COL5A2: variants seen among roughly 807,000 people sequenced by gnomAD.
The protein encoded by COL5A2 is collagen type V alpha 2 chain.
Under a neutral mutation model 208.2 loss-of-function variants are expected in COL5A2, and 23 were observed. The observed-to-expected ratio is 0.11, with a 90% confidence interval of 0.08 to 0.16. The LOEUF (loss-of-function observed/expected upper bound fraction) is 0.16. Among genes scored for constraint, COL5A2 ranks in the 10% least tolerant of loss-of-function variants. The pLI, the probability that COL5A2 is intolerant of heterozygous loss-of-function variation, is 1.00. For missense variants in COL5A2, 1,590 were observed against 1,956.4 expected, an observed-to-expected ratio of 0.81 and a Z score of 3.53; for synonymous variants, 625 against 628.5, an observed-to-expected ratio of 0.99 and a Z score of 0.08.
chr2:189,436,597 A>G, the COL5A2 span, among the ~76,000 whole-genome samples: 1 of 152,142 alleles, frequency 6.6e-6, no homozygotes, highest in Non-Finnish European at 1.5e-5. Context: ...CGTGGAATCA[A>G]CCTAAATGCC....
chr2:189,378,617 G>C, the COL5A2 span, among the ~76,000 whole-genome samples: 2 of 151,904 alleles, frequency 1.3e-5, no homozygotes, highest in African/African-American at 2.4e-5. Flanking sequence ...CCAGCTACTC[G>C]GGAGGCTGAG....
chr2:189,086,671 T>C, intron 9 of COL5A2, 55 bp downstream of exon 9: 3 of 1,355,788 alleles, frequency 2.2e-6, no homozygotes, highest in Admixed American at 1.9e-5. Flanking sequence ...TTATGTAATA[T>C]ATGTGTGTGT....
At chr2:189,078,432 T>G in intron 16 of COL5A2, 84 bp downstream of exon 16, 1 of 1,130,772 alleles carries the variant, frequency 8.8e-7, no homozygotes, top group Non-Finnish European at 1.4e-6. Context: ...TTACTTTCAT[T>G]TAAAAGGCAA....
chr2:189,213,631 T>A (rs1457712544), intron 1 of COL5A2, among the ~76,000 whole-genome samples: 4 of 152,258 alleles, frequency 2.6e-5, no homozygotes, highest in Admixed American at 6.5e-5. Flanking sequence ...TTCCTCAAAT[T>A]AACCGAAAGG....
intron 1 of COL5A2, among the ~76,000 whole-genome samples, chr2:189,138,069 G>A (rs1687859216): frequency 6.6e-6 from 1 of 152,070 alleles, no homozygotes; most frequent in Non-Finnish European, 1.5e-5. Context: ...CTGCCTCCCA[G>A]GTTCAAGCAA....
the COL5A2 span, among the ~76,000 whole-genome samples, chr2:189,337,447 G>A: frequency 6.6e-6 from 1 of 151,982 alleles, no homozygotes; most frequent in Non-Finnish European, 1.5e-5. Flanking sequence ...CTCCCAAAGT[G>A]CTGGGATTAC....
the COL5A2 span, among the ~76,000 whole-genome samples, chr2:189,296,354 A>G: frequency 6.6e-6 from 1 of 152,100 alleles, no homozygotes; most frequent in East Asian, 1.9e-4. Context: ...CATCTTTTAA[A>G]TTTATTCTTT....
the COL5A2 span, among the ~76,000 whole-genome samples, chr2:189,415,465 G>T: frequency 2.0e-5 from 3 of 151,974 alleles, no homozygotes; most frequent in Non-Finnish European, 2.9e-5. Context: ...TATTGAATGT[G>T]TATGTAAATT....
intron 1 of COL5A2, among the ~76,000 whole-genome samples, chr2:189,155,837 T>C (rs1559128839): frequency 6.6e-6 from 1 of 152,158 alleles, no homozygotes; most frequent in Non-Finnish European, 1.5e-5. Context: ...CATCAAGATA[T>C]TGACAGGGCT....
intron 1 of COL5A2, among the ~76,000 whole-genome samples, chr2:189,131,329 G>A (rs1687710710): frequency 1.3e-5 from 2 of 152,198 alleles, no homozygotes. Context: ...TCTTTGCCTA[G>A]GTAATTTCCC....
At chr2:189,158,260 T>C (rs1200324839) in intron 1 of COL5A2, among the ~76,000 whole-genome samples, 1 of 151,994 alleles carries the variant, frequency 6.6e-6, no homozygotes, top group African/African-American at 2.4e-5. Flanking sequence ...GATTAAATAT[T>C]AAGCCAAAAC....
chr2:189,128,263 T>C (rs950294957), intron 1 of COL5A2, among the ~76,000 whole-genome samples: 1 of 151,984 alleles, frequency 6.6e-6, no homozygotes, highest in Non-Finnish European at 1.5e-5. Flanking sequence ...GCTAGTTATG[T>C]TTGTAAAAAG....
chr2:189,104,207 G>T, intron 3 of COL5A2, 57 bp downstream of exon 3: 1 of 1,218,184 alleles, frequency 8.2e-7, no homozygotes, highest in Non-Finnish European at 1.2e-6. Flanking sequence ...GTTCTGTGTG[G>T]ATAGTATTGG....
chr2:189,358,228 C>G, the COL5A2 span, among the ~76,000 whole-genome samples: 3 of 151,560 alleles, frequency 2.0e-5, no homozygotes, highest in African/African-American at 7.3e-5. Flanking sequence ...TTGATACCTA[C>G]TGCTCAGAAA....
intron 1 of COL5A2, among the ~76,000 whole-genome samples, chr2:189,154,078 A>AT (rs1688198144): frequency 2.0e-5 from 3 of 152,164 alleles, no homozygotes; most frequent in Admixed American, 2.0e-4. Flanking sequence ...GAAGTAATAC[A>AT]TTTTTTAAAA....
chr2:189,255,021 G>T, the COL5A2 span, among the ~76,000 whole-genome samples: 5 of 152,122 alleles, frequency 3.3e-5, no homozygotes, highest in Non-Finnish European at 5.9e-5. Context: ...CTTCCCAAGG[G>T]TATGCCTTAT....
intron 13 of COL5A2, 71 bp downstream of exon 13, chr2:189,080,918 TG>T: frequency 8.1e-7 from 1 of 1,238,040 alleles, no homozygotes; most frequent in Non-Finnish European, 1.2e-6. Flanking sequence ...GTAAAGATTT[TG>T]AAGGTAAATC....
intron 1 of COL5A2, among the ~76,000 whole-genome samples, chr2:189,186,217 G>C (rs760517562): frequency 2.0e-5 from 3 of 151,680 alleles, no homozygotes; most frequent in African/African-American, 4.8e-5. Context: ...GGCTGGTTTC[G>C]AATTCCTGGG....
chr2:189,430,799 G>A, the COL5A2 span, among the ~76,000 whole-genome samples: 1 of 152,072 alleles, frequency 6.6e-6, no homozygotes, highest in Non-Finnish European at 1.5e-5. Context: ...CTGCAATCTG[G>A]CAGCTCTGAA....
Sources: gnomAD v4.1 joint callset for allele counts (sites outside exome capture counted in the v4.1 genomes callset) on GRCh38, gnomAD v4.1.1 for gene constraint, MANE v1.5 for transcripts, NCBI Gene and HGNC (gene_info 2026-07-23, HGNC 2026-07-21) for gene names.